Variants in ELMOD1 observed in about 807,000 individuals in gnomAD.
ELMOD1 encodes the protein ELMO domain containing 1, also known as ELMO domain-containing protein 1.
In ELMOD1, 21 loss-of-function variants were observed where a neutral mutation model predicts 46.7. The observed-to-expected ratio is 0.45, with a 90% CI of 0.32 to 0.65. The LOEUF is 0.65. Among genes scored for constraint, ELMOD1 ranks in the 30% least tolerant of loss-of-function variants. The probability of loss-of-function intolerance (pLI) is 0.04; values close to 1 mark genes in which losing one functional copy is unlikely to be tolerated. For missense variants in ELMOD1, 348 were observed against 407.8 expected (o/e 0.85, Z 1.26); for synonymous variants, 122 against 138.2 (o/e 0.88, Z 0.82).
chr11:107,638,771 A>G (rs1435745461), intron 6 of ELMOD1, among the ~76,000 whole-genome samples: 1 of 152,204 alleles, frequency 6.6e-6, no homozygotes, highest in Non-Finnish European at 1.5e-5. Context: ...TATGGCTGCT[A>G]TCCTAGTTTA....
rs55920880 is a variant in ELMOD1 at position 107,655,588 on chromosome 11, T to TTTTTTTTTTTTG, written c.699-345_699-344insTTTTTTTTTTTG. On this transcript the variant is annotated intron_variant, in intron 10 of 11. Coordinates refer to ENST00000265840, the MANE Select transcript of ELMOD1 (RefSeq NM_018712.4). ...ATTGAAATGCCTTTTTTTTTTTTTT[T>TTTTTTTTTTTTG]GTAAAGTGAAAGCACGTTTACTAAG... Among the ~76,000 whole-genome samples, 3 of 150,104 alleles carry TTTTTTTTTTTTG rather than the reference T, an allele frequency of 2.0e-5. No individual in the cohort carries two copies. The East Asian group carries it at 5.9e-4, about 30-fold the overall frequency.
intron 2 of ELMOD1, among the ~76,000 whole-genome samples, chr11:107,618,991 C>T (rs1865905221): frequency 6.6e-6 from 1 of 152,156 alleles, no homozygotes; most frequent in South Asian, 2.1e-4. Flanking sequence ...AAGATGGTGA[C>T]CTGCTTCTGT....
chr11:107,629,680 C>G (rs1054720578), intron 2 of ELMOD1, among the ~76,000 whole-genome samples: 1 of 152,172 alleles, frequency 6.6e-6, no homozygotes, highest in Admixed American at 6.5e-5. Flanking sequence ...GTAAAGAAAA[C>G]TTTCTTTAGC....
At chr11:107,611,602 G>T (rs1865781394) in intron 1 of ELMOD1, among the ~76,000 whole-genome samples, 1 of 151,096 alleles carries the variant, frequency 6.6e-6, no homozygotes, top group Non-Finnish European at 1.5e-5. Context: ...CTACTCTGGA[G>T]GCTGAAGCAG....
chr11:107,633,461 C>T (rs1866175833), intron 5 of ELMOD1, among the ~76,000 whole-genome samples: 1 of 152,084 alleles, frequency 6.6e-6, no homozygotes. Context: ...AGACAAGAGT[C>T]TTGCTCTGTC....
At chr11:107,598,095 A>G (rs1865524487) in intron 1 of ELMOD1, among the ~76,000 whole-genome samples, 1 of 152,174 alleles carries the variant, frequency 6.6e-6, no homozygotes, top group African/African-American at 2.4e-5. Context: ...CAACAATGCC[A>G]TCTGAATCTC....
At chr11:107,617,188 T>G (rs1174008709) in intron 1 of ELMOD1, among the ~76,000 whole-genome samples, 7 of 152,236 alleles carry the variant, frequency 4.6e-5, no homozygotes, top group Admixed American at 3.9e-4. Flanking sequence ...GTATGGAATA[T>G]TTACAGAAAT....
chr11:107,633,841 T>C (rs1434604333), intron 5 of ELMOD1, among the ~76,000 whole-genome samples: 3 of 152,208 alleles, frequency 2.0e-5, no homozygotes, highest in African/African-American at 7.2e-5. Context: ...TCTAGGTGGC[T>C]AGTGCTATGG....
intron 6 of ELMOD1, among the ~76,000 whole-genome samples, chr11:107,645,895 C>A (rs1866419743): frequency 6.6e-6 from 1 of 152,138 alleles, no homozygotes; most frequent in Admixed American, 6.5e-5. Flanking sequence ...TTAGTATTTT[C>A]TGTCATTGAA....
intron 1 of ELMOD1, among the ~76,000 whole-genome samples, chr11:107,601,202 A>G (rs1865591524): frequency 6.6e-6 from 1 of 152,048 alleles, no homozygotes. Flanking sequence ...CCACTACAGA[A>G]GTGAAAATTT....
chr11:107,651,412 A>G (rs1362981106), intron 9 of ELMOD1, among the ~76,000 whole-genome samples: 1 of 152,126 alleles, frequency 6.6e-6, no homozygotes, highest in Non-Finnish European at 1.5e-5. Context: ...AGTTGTTAGT[A>G]CTCATGTTTG....
intron 1 of ELMOD1, chr11:107,592,314 C>G: frequency 1.9e-6 from 1 of 532,010 alleles, no homozygotes; most frequent in South Asian, 1.4e-5. Flanking sequence ...TTTCCCCCAC[C>G]ACCTAGGAAA....
Position 107,618,288 on chromosome 11 carries a change from G to A in ELMOD1, c.17+82G>A, listed in dbSNP as rs373262656. ...GGTTAGGGTAATATTACCAGTCATC[G>A]TTTGTGATCCTGTGACCAGGACTCC... is the stretch of plus-strand genomic sequence containing the variant. On this transcript the variant is annotated intron_variant, in intron 2 of 11. Coordinates refer to ENST00000265840, the MANE Select transcript of ELMOD1 (RefSeq NM_018712.4). The A allele has an allele frequency of 1.5e-5, 22 of 1,448,142 alleles. No individual in the cohort carries two copies. In the African/African-American group the frequency reaches 1.8e-4, roughly 12 times the overall value. 89.7% of individuals were successfully genotyped at this position (1,448,142 alleles called of 1,614,324 possible). A position where few individuals can be genotyped will look rare whatever the true frequency, so the allele number is the denominator to read the frequency against.
intron 1 of ELMOD1, among the ~76,000 whole-genome samples, chr11:107,606,969 A>G (rs1865695373): frequency 6.6e-6 from 1 of 152,256 alleles, no homozygotes; most frequent in Non-Finnish European, 1.5e-5. Flanking sequence ...GCTTGATTTA[A>G]TCTCTCCACT....
chr11:107,630,534 G>T lies in ELMOD1; in HGVS notation c.135G>T (p.Lys45Asn). The part of the protein sequence containing the change: ...CELQRICYNT[K>N]PGASRTMKIE... ...TACAACGGATCTGTTATAATACCAA[G>T]CCGGGAGCTTCTAGAACCATGAAAA... Residue 45 changes from lysine (K) to asparagine (N), a missense_variant, in exon 3 of 12, where the codon AAG becomes AAT. Lys to Asn is a moderately conservative substitution (Grantham distance 94, BLOSUM62 0). Coordinates refer to ENST00000265840, the MANE Select transcript of ELMOD1 (RefSeq NM_018712.4). The T allele has an allele frequency of 6.2e-7, 1 of 1,610,606 alleles. No homozygotes were observed.
At chr11:107,604,925 G>A (rs529590009) in intron 1 of ELMOD1, among the ~76,000 whole-genome samples, 1 of 152,140 alleles carries the variant, frequency 6.6e-6, no homozygotes, top group South Asian at 2.1e-4. Flanking sequence ...CCTGTCAGAT[G>A]TTTCTAGATA....
intron 4 of ELMOD1, 25 bp downstream of exon 4, chr11:107,630,753 CT>C (rs748419930): frequency 1.5e-5 from 24 of 1,580,722 alleles, no homozygotes; most frequent in Admixed American, 3.7e-5. Flanking sequence ...TTTTCAGCAG[CT>C]TTTTTTTCAC....
At chr11:107,621,717 T>TGTTTGTGTCACATCACCCCATTACTG (rs1555063344) in intron 2 of ELMOD1, among the ~76,000 whole-genome samples, 2 of 152,166 alleles carry the variant, frequency 1.3e-5, no homozygotes, top group East Asian at 1.9e-4. Flanking sequence ...CTGTGAGGTA[T>TGTTTGTGTCACATCACCCCATTACTG]TGTAGGTGAT....
At chr11:107,661,813 C>T (rs760811489) in intron 11 of ELMOD1, among the ~76,000 whole-genome samples, 1 of 152,080 alleles carries the variant, frequency 6.6e-6, no homozygotes, top group Non-Finnish European at 1.5e-5. Context: ...TAACAAGTAC[C>T]GCAGATCATT....
Sources: allele counts gnomAD v4.1 joint callset (sites outside exome capture counted in the v4.1 genomes callset), GRCh38; gene constraint gnomAD v4.1.1; transcripts MANE v1.5; gene names NCBI Gene and HGNC (gene_info 2026-07-23, HGNC 2026-07-21).